Variants in SCFD2 observed in about 807,000 individuals in gnomAD.
SCFD2 encodes the protein sec1 family domain containing 2, also known as sec1 family domain-containing protein 2.
A neutral mutation model predicts 58.9 loss-of-function variants in SCFD2; 54 were observed. The observed-to-expected ratio is 0.92, with a 90% CI of 0.74 to 1.15. The LOEUF (loss-of-function observed/expected upper bound fraction) is 1.15, where lower values mean the gene tolerates loss of function less well. Among genes scored for constraint, SCFD2 ranks in the 50% most tolerant of loss-of-function variants. SCFD2 has a pLI of 0.00. For synonymous variants in SCFD2, 321 were observed against 335.9 expected, an observed-to-expected ratio of 0.96 and a Z score of 0.49; for missense variants, 805 against 836.6, an observed-to-expected ratio of 0.96 and a Z score of 0.47.
In SCFD2 at chr4:52,917,890, G is replaced by T. The variant is rs1719645262; in HGVS notation, c.1707+2835C>A. On this transcript the variant is annotated intron_variant, in intron 6 of 8. Coordinates refer to ENST00000401642, the MANE Select transcript of SCFD2 (RefSeq NM_152540.4). ...ATGGGTAAAGATTAAAATAAGAGGT[G>T]CCTCTAGTCCTAGCAAGGGAAGCAG... Among the ~76,000 whole-genome samples, 4 of 152,224 alleles carry T rather than the reference G, an allele frequency of 2.6e-5. No individual in the cohort carries two copies. The South Asian group carries it at 8.3e-4, about 31-fold the overall frequency.
At chr4:53,313,883 A>C in intron 2 of SCFD2, 120 bp from the exon 3 acceptor site, 1 of 801,994 alleles carries the variant, frequency 1.2e-6, no homozygotes, top group Non-Finnish European at 2.0e-6. Context: ...TCCTACTGAT[A>C]GACTCTAAGT....
At chr4:53,277,800 C>G (rs1217689760) in intron 3 of SCFD2, among the ~76,000 whole-genome samples, 1 of 152,136 alleles carries the variant, frequency 6.6e-6, no homozygotes, top group African/African-American at 2.4e-5. Context: ...CGCCTGTAAT[C>G]GCAGCTCTTT....
intron 5 of SCFD2, among the ~76,000 whole-genome samples, chr4:52,975,177 T>C (rs1281712679): frequency 6.6e-6 from 1 of 151,538 alleles, no homozygotes; most frequent in East Asian, 1.9e-4. Context: ...AATGGGATCT[T>C]ATTAAACTAA....
intron 4 of SCFD2, among the ~76,000 whole-genome samples, chr4:53,263,642 A>G (rs531869097): frequency 3.0e-4 from 45 of 152,342 alleles, no homozygotes; most frequent in Non-Finnish European, 5.4e-4. Context: ...CACCTGCTCC[A>G]GTGGAGGCAG....
intron 7 of SCFD2, among the ~76,000 whole-genome samples, chr4:52,887,434 T>G (rs1466718118): frequency 6.6e-6 from 1 of 152,130 alleles, no homozygotes; most frequent in Non-Finnish European, 1.5e-5. Context: ...ATAACTAGAC[T>G]CAGTGATGGA....
intron 3 of SCFD2, among the ~76,000 whole-genome samples, chr4:53,298,284 C>T (rs562340158): frequency 6.6e-6 from 1 of 152,310 alleles, no homozygotes; most frequent in South Asian, 2.1e-4. Flanking sequence ...TCAAACAGCA[C>T]ACCAGGAGAT....
intron 5 of SCFD2, among the ~76,000 whole-genome samples, chr4:53,029,986 T>A (rs1722575720): frequency 6.6e-6 from 1 of 152,174 alleles, no homozygotes; most frequent in African/African-American, 2.4e-5. Flanking sequence ...AAATTGAATA[T>A]AATAAAAATT....
At chr4:52,878,040 T>A (rs1284827324) in intron 8 of SCFD2, among the ~76,000 whole-genome samples, 1 of 152,082 alleles carries the variant, frequency 6.6e-6, no homozygotes, top group Non-Finnish European at 1.5e-5. Flanking sequence ...AGACCCCTCC[T>A]CCATTGCCCT....
intron 4 of SCFD2, among the ~76,000 whole-genome samples, chr4:53,267,889 T>G (rs1218295950): frequency 6.6e-6 from 1 of 152,228 alleles, no homozygotes; most frequent in Non-Finnish European, 1.5e-5. Context: ...AATTAATATG[T>G]CAAATTTCTT....
At chr4:53,061,213 T>A (rs998912214) in intron 5 of SCFD2, among the ~76,000 whole-genome samples, 9 of 152,158 alleles carry the variant, frequency 5.9e-5, no homozygotes, top group Admixed American at 5.9e-4. Flanking sequence ...AAATGCAAGA[T>A]TGAACTTATA....
intron 5 of SCFD2, among the ~76,000 whole-genome samples, chr4:53,097,751 T>C (rs1352319750): frequency 2.0e-5 from 3 of 152,194 alleles, no homozygotes; most frequent in Non-Finnish European, 4.4e-5. Context: ...TCCAATACTA[T>C]GTTGAATAGG....
At chr4:53,349,884 G>C (rs1460454016) in intron 2 of SCFD2, among the ~76,000 whole-genome samples, 1 of 152,062 alleles carries the variant, frequency 6.6e-6, no homozygotes, top group Admixed American at 6.6e-5. Context: ...AGTGGCACAG[G>C]GTAATGGTAA....
At chr4:53,204,256 A>G (rs747475682) in intron 4 of SCFD2, among the ~76,000 whole-genome samples, 12 of 152,076 alleles carry the variant, frequency 7.9e-5, no homozygotes, top group Non-Finnish European at 1.6e-4. Flanking sequence ...CTAACATGGA[A>G]TATGGAAGAT....
chr4:53,325,247 C>T (rs555745312), intron 2 of SCFD2, among the ~76,000 whole-genome samples: 22 of 150,358 alleles, frequency 1.5e-4, no homozygotes, highest in African/African-American at 5.4e-4. Context: ...AAAGAGAAGA[C>T]TCACTGCCTT....
At chr4:53,194,835 C>T (rs1728014946) in intron 4 of SCFD2, among the ~76,000 whole-genome samples, 1 of 152,142 alleles carries the variant, frequency 6.6e-6, no homozygotes, top group South Asian at 2.1e-4. Context: ...ACGAGCGACA[C>T]TCTGTCTCAA....
chr4:53,311,810 A>G (rs1732701170), intron 3 of SCFD2, among the ~76,000 whole-genome samples: 1 of 151,706 alleles, frequency 6.6e-6, no homozygotes, highest in African/African-American at 2.4e-5. Context: ...TAATTTTTGT[A>G]TTTTTAGTAG....
chr4:53,291,101 C>T (rs1731825275), intron 3 of SCFD2, among the ~76,000 whole-genome samples: 1 of 152,042 alleles, frequency 6.6e-6, no homozygotes, highest in African/African-American at 2.4e-5. Context: ...TTTTATAAGG[C>T]CAGTATCTCC....
At chr4:53,206,360 T>A (rs1475604839) in intron 4 of SCFD2, among the ~76,000 whole-genome samples, 2 of 152,078 alleles carry the variant, frequency 1.3e-5, no homozygotes, top group Non-Finnish European at 2.9e-5. Context: ...ATGAAGATGT[T>A]CCAGAGGAAG....
At chr4:53,139,029 C>T (rs112174400) in intron 5 of SCFD2, among the ~76,000 whole-genome samples, 3,067 of 152,278 alleles carry the variant, frequency 0.02, 115 homozygotes, top group African/African-American at 0.07. Flanking sequence ...CGCCGCCACG[C>T]GTGACTGGTT....
Sources: allele counts gnomAD v4.1 joint callset (sites outside exome capture counted in the v4.1 genomes callset), GRCh38; gene constraint gnomAD v4.1.1; transcripts MANE v1.5; gene names NCBI Gene and HGNC (gene_info 2026-07-23, HGNC 2026-07-21).